UBA6: variants seen among roughly 807,000 people sequenced by gnomAD.
UBA6 encodes ubiquitin like modifier activating enzyme 6, also known as ubiquitin-like modifier-activating enzyme 6.
Under a neutral mutation model 148.3 loss-of-function variants are expected in UBA6, and 87 were observed. That is an observed-to-expected ratio of 0.59 (90% CI 0.49 to 0.70). The LOEUF (loss-of-function observed/expected upper bound fraction) is 0.70, where lower values mean the gene tolerates loss of function less well. Ranked by LOEUF, UBA6 falls within the 30% of genes least tolerant of loss-of-function variation. The pLI is 0.00. For synonymous variants in UBA6, 376 were observed against 401.0 expected (o/e 0.94, Z 0.75); for missense variants, 1,186 against 1,241.2 (o/e 0.96, Z 0.67).
In UBA6 at chr4:67,618,757, A is replaced by G; in HGVS notation, c.*240T>C. The G allele has an allele frequency of 2.7e-6, 1 of 374,636 alleles. No homozygotes were observed. Among genetic ancestry groups the G allele is most frequent in the South Asian group, 7.3e-5 (1 of 13,754 alleles). The allele number at this position is 374,636 out of a possible 1,614,324, so 23.2% of individuals were successfully genotyped here. ...ATTAATACACAAAACTTTTGTAAAT[A>G]GCATTCCAGTTCAAAGTTGCTTGTG... On this transcript the variant is annotated 3_prime_UTR_variant, in exon 33 of 33. Transcript: ENST00000322244.
intron 27 of UBA6, among the ~76,000 whole-genome samples, chr4:67,627,940 T>C (rs1728908450): frequency 1.2e-5 from 1 of 82,766 alleles, no homozygotes; most frequent in African/African-American, 5.0e-5. Flanking sequence ...CCTATTGCTT[T>C]TTTTTTTTTT....
chr4:67,617,009 T>C lies in UBA6; in HGVS notation c.*1988A>G, dbSNP rs1159739958. 6.6e-6 allele frequency: 1 copy of C among 152,034 alleles called. No homozygotes were observed. The highest frequency in any genetic ancestry group is 6.6e-5 in the Admixed American group (1 of 15,250). 9.4% of individuals were successfully genotyped at this position (152,034 alleles called of 1,614,324 possible). A position where few individuals can be genotyped will look rare whatever the true frequency, so the allele number is the denominator to read the frequency against. Reference sequence around the variant, plus strand: ...ACAGAAGAAATCATGGCAATAACCATTAACTATAGAAAAAAAGTAATGGAA... The same window carrying C: ...ACAGAAGAAATCATGGCAATAACCACTAACTATAGAAAAAAAGTAATGGAA... On this transcript the variant is annotated 3_prime_UTR_variant, in exon 33 of 33. Transcript: ENST00000322244.
chr4:67,681,565 T>G lies in UBA6; in HGVS notation c.256A>C (p.Lys86Gln). 1 of 1,577,940 alleles carries G rather than the reference T, an allele frequency of 6.3e-7. No individual in the cohort carries two copies. Among genetic ancestry groups the G allele is most frequent in the East Asian group, 2.3e-5 (1 of 43,422 alleles). ...IAKNLVLAGI[K>Q]AVTIHDTEKC... is the part of the protein sequence containing the mutation. ...TCTTACAGAGGACATTTACTTACCT[T>G]AATCCCTGCAAGAACAAGATTCTTT... The change falls in exon 4 of 33, where the codon AAG becomes CAG. Residue 86 changes from lysine (K) to glutamine (Q), a missense_variant and splice_region_variant. Physicochemically the swap from Lys to Gln is moderately conservative, Grantham distance 53. Coordinates refer to ENST00000322244, the MANE Select transcript of UBA6 (RefSeq NM_018227.6).
chr4:67,661,813 A>G (rs1359942502), intron 13 of UBA6: 1 of 260,292 alleles, frequency 3.8e-6, no homozygotes, highest in Non-Finnish European at 7.1e-6. Flanking sequence ...ATATGAATGT[A>G]TAATATATAA....
At chr4:67,692,663 G>A (rs1300075797) in intron 2 of UBA6, among the ~76,000 whole-genome samples, 1 of 152,128 alleles carries the variant, frequency 6.6e-6, no homozygotes, top group Non-Finnish European at 1.5e-5. Flanking sequence ...TGGCCACCCA[G>A]AACCCCAAAG....
intron 1 of UBA6, among the ~76,000 whole-genome samples, chr4:67,697,298 C>T (rs1730864531): frequency 1.3e-5 from 2 of 152,224 alleles, no homozygotes; most frequent in South Asian, 4.1e-4. Context: ...GGCCACTGTG[C>T]CCGCCTGTTT....
intron 13 of UBA6, among the ~76,000 whole-genome samples, chr4:67,649,873 T>C (rs1729511062): frequency 6.6e-6 from 1 of 152,178 alleles, no homozygotes; most frequent in Non-Finnish European, 1.5e-5. Flanking sequence ...TCTTTAAACA[T>C]TAGTAATCTT....
At chr4:67,649,533 T>C (rs570350615) in intron 13 of UBA6, among the ~76,000 whole-genome samples, 6 of 152,330 alleles carry the variant, frequency 3.9e-5, no homozygotes, top group Admixed American at 3.9e-4. Context: ...CAGTCAGACA[T>C]ATTTACAAAT....
intron 18 of UBA6, among the ~76,000 whole-genome samples, 172 bp from the exon 19 acceptor site, chr4:67,639,296 G>A (rs1254365017): frequency 6.6e-6 from 1 of 152,036 alleles, no homozygotes; most frequent in Non-Finnish European, 1.5e-5. Flanking sequence ...TACATTCACT[G>A]TAATCACACT....
chr4:67,667,809 C>T (rs934952198), intron 9 of UBA6, among the ~76,000 whole-genome samples: 7 of 152,154 alleles, frequency 4.6e-5, no homozygotes, highest in Non-Finnish European at 1.0e-4. Flanking sequence ...GGTTTCGGCA[C>T]CTTTCATTTC....
chr4:67,701,041 C>T lies in UBA6; in HGVS notation c.71+8G>A, dbSNP rs1398402914. ...GACCCCTCACCTTCGCCCTTCTCGT[C>T]CTCTCACCTGCCAGTCCCCCAGGAA... On this transcript the variant is annotated splice_region_variant and intron_variant, in intron 1 of 32. Transcript: ENST00000322244. 2 of 1,613,758 alleles carry T rather than the reference C, an allele frequency of 1.2e-6. No homozygotes were observed. Among genetic ancestry groups the T allele is most frequent in the African/African-American group, 2.7e-5 (2 of 75,046 alleles).
chr4:67,653,718 T>C (rs370099883), intron 13 of UBA6, among the ~76,000 whole-genome samples: 14 of 152,154 alleles, frequency 9.2e-5, no homozygotes, highest in African/African-American at 2.9e-4. Context: ...CTTCAGAAGG[T>C]TGGTAATAAC....
intron 2 of UBA6, among the ~76,000 whole-genome samples, chr4:67,691,010 T>C (rs1173865300): frequency 1.3e-5 from 2 of 152,164 alleles, no homozygotes; most frequent in African/African-American, 2.4e-5. Context: ...ATCTGCTATA[T>C]GACAATGTAC....
chr4:67,663,237 G>C, intron 11 of UBA6, 22 bp from the exon 12 acceptor site: 3 of 1,571,862 alleles, frequency 1.9e-6, no homozygotes, highest in Non-Finnish European at 2.6e-6. Flanking sequence ...ATTAAAAATC[G>C]GCCAACATTT....
rs146083331 is a variant in UBA6 at position 67,644,770 on chromosome 4, A to G, written c.1404T>C (p.Cys468=). Residue 468 remains cysteine, a synonymous_variant, in exon 17 of 33, where the codon TGT becomes TGC. Coordinates refer to ENST00000322244, the MANE Select transcript of UBA6 (RefSeq NM_018227.6). ...TCAACATTTCACAGCCTATGGCTCC[A>G]CACCCTACCTATGGAGGAGAAAAAT... ...LQNLNIFLVG[C]GAIGCEMLKN... The G allele has an allele frequency of 3.7e-6, 6 of 1,600,854 alleles. No individual in the cohort carries two copies. The African/African-American group carries it at 8.0e-5, about 21-fold the overall frequency.
At chr4:67,665,150 G>A in intron 10 of UBA6, 39 bp downstream of exon 10, 4 of 1,306,618 alleles carry the variant, frequency 3.1e-6, no homozygotes, top group Non-Finnish European at 4.3e-6. Context: ...TTCTTTTTCT[G>A]TAAAAAAATG....
At chr4:67,628,966 A>C (rs1263235335) in intron 27 of UBA6, 105 bp downstream of exon 27, 1 of 794,248 alleles carries the variant, frequency 1.3e-6, no homozygotes, top group Non-Finnish European at 2.2e-6. Context: ...TGACAAGAGC[A>C]AGAGCAAGAA....
intron 2 of UBA6, among the ~76,000 whole-genome samples, chr4:67,696,007 A>G (rs1730822908): frequency 6.6e-6 from 1 of 152,226 alleles, no homozygotes; most frequent in African/African-American, 2.4e-5. Flanking sequence ...TTACTAAAAA[A>G]GTATTCCAAT....
chr4:67,631,933 A>T (rs1336335482), intron 23 of UBA6, 25 bp from the exon 24 acceptor site: 1 of 1,599,096 alleles, frequency 6.3e-7, no homozygotes, highest in East Asian at 2.2e-5. Flanking sequence ...TGAATTAAAG[A>T]CACCCACTAC....
Sources: gnomAD v4.1 joint callset for allele counts (sites outside exome capture counted in the v4.1 genomes callset) on GRCh38, gnomAD v4.1.1 for gene constraint, MANE v1.5 for transcripts, NCBI Gene and HGNC (gene_info 2026-07-23, HGNC 2026-07-21) for gene names.